The following ANO4 variants were observed in gnomAD, a reference collection of about 807,000 sequenced individuals.
The protein encoded by ANO4 is anoctamin-4.
In ANO4, 69 loss-of-function variants were observed where a neutral mutation model predicts 141.9. The ratio of observed to expected loss-of-function variants is 0.49; its 90% CI spans 0.40 to 0.59. ANO4 has a LOEUF of 0.59. Ranked by LOEUF, ANO4 falls within the 20% of genes least tolerant of loss-of-function variation. ANO4 has a pLI of 0.00. For synonymous variants in ANO4, 350 were observed against 394.3 expected, an observed-to-expected ratio of 0.89 and a Z score of 1.33; for missense variants, 894 against 1,162.2, an observed-to-expected ratio of 0.77 and a Z score of 3.36.
chr12:100,803,205 T>C (rs1173245459), intron 1 of ANO4, among the ~76,000 whole-genome samples: 6 of 151,934 alleles, frequency 3.9e-5, no homozygotes, highest in Non-Finnish European at 7.4e-5. Context: ...GAGCTTGGAG[T>C]ATAGGGAACT....
intron 1 of ANO4, among the ~76,000 whole-genome samples, chr12:100,878,859 A>G (rs2039436037): frequency 6.6e-6 from 1 of 152,188 alleles, no homozygotes; most frequent in East Asian, 1.9e-4. Context: ...TACCTTCTCA[A>G]TGATGCATGT....
rs189306582 is a variant in ANO4 at position 100,724,708 on chromosome 12, A to G, written c.22+7161A>G. On this transcript the variant is annotated intron_variant, in intron 1 of 29. Coordinates refer to the ANO4 transcript ENST00000644049. ...TACCTAGGACCAGCCTGTGTCTACTATATGTTTTTTGAATGGATGAATTTC... is the reference window on the plus strand; with the variant it reads ...TACCTAGGACCAGCCTGTGTCTACTGTATGTTTTTTGAATGGATGAATTTC... 3.0e-3 allele frequency among the ~76,000 whole-genome samples: 463 copies of G among 152,282 alleles called. 2 individuals are homozygous for G. Among genetic ancestry groups the G allele is most frequent in the African/African-American group, 0.011 (443 of 41,550 alleles).
intron 2 of ANO4, among the ~76,000 whole-genome samples, chr12:100,919,259 A>G (rs951156703): frequency 3.3e-5 from 5 of 152,188 alleles, no homozygotes; most frequent in African/African-American, 9.7e-5. Context: ...TACAGTGTTT[A>G]TAAAGTCTAC....
At position 100,831,024 on chromosome 12, in the gene ANO4, CAT is replaced by C. The variant is rs759458892; in HGVS notation, c.-141+36000_-141+36001del. Among the ~76,000 whole-genome samples, 5 of 152,092 alleles carry C rather than the reference CAT, an allele frequency of 3.3e-5. No individual in the cohort carries two copies. The East Asian group carries it at 7.7e-4, about 24-fold the overall frequency. On this transcript the variant is annotated intron_variant, in intron 1 of 27. Transcript: ENST00000392977. Reference sequence around the variant, plus strand: ...TATTTCTGCCTCACTAAGAGTTTAACATATGTGTACCTTTTATAATGCCTTGT... The same window carrying C: ...TATTTCTGCCTCACTAAGAGTTTAACATGTGTACCTTTTATAATGCCTTGT...
intron 3 of ANO4, among the ~76,000 whole-genome samples, chr12:100,937,527 C>T (rs1459183655): frequency 6.6e-6 from 1 of 152,152 alleles, no homozygotes; most frequent in Non-Finnish European, 1.5e-5. Context: ...TAGCACAGTA[C>T]CTGGCACAAT....
At chr12:100,925,844 T>TAC (rs1190828365) in intron 3 of ANO4, among the ~76,000 whole-genome samples, 50 of 135,974 alleles carry the variant, frequency 3.7e-4, no homozygotes, top group East Asian at 2.2e-3. Context: ...CATACATATA[T>TAC]ATACACACAC....
At chr12:100,807,532 G>C (rs1338363304) in intron 1 of ANO4, among the ~76,000 whole-genome samples, 1 of 152,054 alleles carries the variant, frequency 6.6e-6, no homozygotes. Context: ...TTGGAGAAAG[G>C]GTTAAATTAA....
intron 11 of ANO4, among the ~76,000 whole-genome samples, chr12:101,041,594 T>C (rs2047413044): frequency 6.6e-6 from 1 of 152,180 alleles, no homozygotes; most frequent in African/African-American, 2.4e-5. Context: ...CTGTGCTAAG[T>C]ACTATTGGCA....
chr12:100,979,847 C>T (rs1441114401), intron 7 of ANO4, among the ~76,000 whole-genome samples: 1 of 151,758 alleles, frequency 6.6e-6, no homozygotes, highest in African/African-American at 2.4e-5. Context: ...CCTGCCTCAG[C>T]CTCCCGAGTA....
intron 2 of ANO4, among the ~76,000 whole-genome samples, chr12:100,906,428 G>A (rs1565994659): frequency 6.6e-6 from 1 of 152,054 alleles, no homozygotes; most frequent in East Asian, 1.9e-4. Context: ...GGAATGTGTG[G>A]CACTAATATT....
chr12:100,944,537 A>G (rs1238826785), intron 5 of ANO4, among the ~76,000 whole-genome samples: 1 of 150,800 alleles, frequency 6.6e-6, no homozygotes, highest in African/African-American at 2.5e-5. Context: ...ATCACCTTCC[A>G]TATTTCTCCT....
intron 8 of ANO4, among the ~76,000 whole-genome samples, chr12:100,993,126 C>T (rs2045215421): frequency 6.6e-6 from 1 of 152,106 alleles, no homozygotes; most frequent in Admixed American, 6.5e-5. Context: ...GAGGTTGAGG[C>T]TGCAGTGAGT....
At chr12:101,098,403 G>A (rs1352661499) in intron 21 of ANO4, among the ~76,000 whole-genome samples, 1 of 152,160 alleles carries the variant, frequency 6.6e-6, no homozygotes, top group African/African-American at 2.4e-5. Flanking sequence ...GCTCAGTTAT[G>A]GTCAGTTAAG....
chr12:100,948,408 A>T (rs1324095102), intron 5 of ANO4, among the ~76,000 whole-genome samples: 1 of 152,174 alleles, frequency 6.6e-6, no homozygotes, highest in Non-Finnish European at 1.5e-5. Context: ...TGAAGGTGAT[A>T]TAATTTATCG....
At chr12:101,080,883 T>TATATATATATATATTATATATATATATA (rs1491584060) in intron 15 of ANO4, among the ~76,000 whole-genome samples, 1 of 74,070 alleles carries the variant, frequency 1.4e-5, no homozygotes, top group Non-Finnish European at 3.0e-5. Flanking sequence ...TATATATATA[T>TATATATATATATATTATATATATATATA]TATATATATA....
intron 5 of ANO4, among the ~76,000 whole-genome samples, chr12:100,968,743 G>A (rs2043792556): frequency 6.6e-6 from 1 of 152,154 alleles, no homozygotes; most frequent in African/African-American, 2.4e-5. Flanking sequence ...AATCTTTTCT[G>A]AAGTCCAACA....
At chr12:101,068,338 G>A (rs1410888105) in intron 14 of ANO4, 1 of 1,175,892 alleles carries the variant, frequency 8.5e-7, no homozygotes, top group Non-Finnish European at 1.3e-6. Flanking sequence ...GAGAGAAGAT[G>A]CAGAAACTGG....
chr12:100,728,977 C>T (rs796155419), intron 1 of ANO4, among the ~76,000 whole-genome samples: 25 of 148,474 alleles, frequency 1.7e-4, no homozygotes, highest in African/African-American at 5.4e-4. Flanking sequence ...TCTTTCATAA[C>T]GCAAACTCAC....
At chr12:100,797,330 T>C (rs925669761) in intron 1 of ANO4, among the ~76,000 whole-genome samples, 3 of 151,262 alleles carry the variant, frequency 2.0e-5, no homozygotes, top group African/African-American at 7.3e-5. Flanking sequence ...CACTTCCAGA[T>C]AATGCCTTTA....
Sources: gnomAD v4.1 joint callset for allele counts (sites outside exome capture counted in the v4.1 genomes callset) on GRCh38, gnomAD v4.1.1 for gene constraint, MANE v1.5 for transcripts, NCBI Gene and HGNC (gene_info 2026-07-23, HGNC 2026-07-21) for gene names.